DPYD: variants seen among roughly 807,000 people sequenced by gnomAD.
The protein encoded by DPYD is dihydropyrimidine dehydrogenase [NADP(+)].
In DPYD, 109 loss-of-function variants were observed where a neutral mutation model predicts 116.2. The observed-to-expected ratio is 0.94, with a 90% confidence interval of 0.80 to 1.10. The LOEUF (loss-of-function observed/expected upper bound fraction) is 1.10. Ranked by LOEUF, DPYD falls within the 50% of genes least tolerant of loss-of-function variation. DPYD has a pLI of 0.00. For missense variants in DPYD, 1,302 were observed against 1,254.5 expected, an observed-to-expected ratio of 1.04 and a Z score of -0.57; for synonymous variants, 440 against 432.0, an observed-to-expected ratio of 1.02 and a Z score of -0.23.
chr1:97,395,073 C>T (rs1163016108), intron 14 of DPYD, among the ~76,000 whole-genome samples: 1 of 151,844 alleles, frequency 6.6e-6, no homozygotes, highest in Non-Finnish European at 1.5e-5. Context: ...CTCTCCTGTG[C>T]CCTATTGCTC....
chr1:97,864,107 A>G (rs924828764), intron 2 of DPYD, among the ~76,000 whole-genome samples: 1 of 152,072 alleles, frequency 6.6e-6, no homozygotes, highest in African/African-American at 2.4e-5. Context: ...GTGATTATTT[A>G]TAAGTGTCTG....
intron 19 of DPYD, among the ~76,000 whole-genome samples, chr1:97,226,597 A>G (rs1254518474): frequency 1.3e-5 from 2 of 152,176 alleles, no homozygotes; most frequent in Non-Finnish European, 2.9e-5. Flanking sequence ...AAATTATCCA[A>G]AAAAGAAATC....
intron 16 of DPYD, among the ~76,000 whole-genome samples, chr1:97,308,733 G>C (rs1262630885): frequency 1.3e-5 from 2 of 151,774 alleles, no homozygotes; most frequent in Non-Finnish European, 2.9e-5. Context: ...TCTAGTGATA[G>C]CATGAGATGG....
Position 97,801,751 on chromosome 1 carries a change from G to T in DPYD, c.233+26363C>A, listed in dbSNP as rs192479477. Reference sequence around the variant, plus strand: ...TTCTCTCTCGTGTTTCTTTTTTCCTGTATTCTGTGAAACTGTTTTATGGTT... The same window carrying T: ...TTCTCTCTCGTGTTTCTTTTTTCCTTTATTCTGTGAAACTGTTTTATGGTT... On this transcript the variant is annotated intron_variant, in intron 3 of 22. Coordinates refer to ENST00000370192, the MANE Select transcript of DPYD (RefSeq NM_000110.4). 4.6e-5 allele frequency among the ~76,000 whole-genome samples: 7 copies of T among 151,868 alleles called. No individual in the cohort carries two copies. In the East Asian group the frequency reaches 1.4e-3, roughly 29 times the overall value.
At chr1:97,149,284 C>T (rs986954226) in intron 20 of DPYD, among the ~76,000 whole-genome samples, 5 of 152,116 alleles carry the variant, frequency 3.3e-5, no homozygotes, top group Non-Finnish European at 5.9e-5. Context: ...CAGAGTCTCG[C>T]TCTGTCACCC....
chr1:97,904,902 C>T (rs1673532112), intron 1 of DPYD, among the ~76,000 whole-genome samples: 1 of 151,926 alleles, frequency 6.6e-6, no homozygotes, highest in Non-Finnish European at 1.5e-5. Context: ...AAATCAGTTG[C>T]CATGGGTATT....
intron 20 of DPYD, among the ~76,000 whole-genome samples, chr1:97,173,685 T>C (rs551635491): frequency 6.6e-6 from 1 of 151,290 alleles, no homozygotes; most frequent in South Asian, 2.1e-4. Context: ...TTTATTTAAA[T>C]GATTAAAATC....
At chr1:97,798,652 A>C (rs1025687634) in intron 3 of DPYD, among the ~76,000 whole-genome samples, 2 of 152,020 alleles carry the variant, frequency 1.3e-5, no homozygotes, top group Non-Finnish European at 2.9e-5. Context: ...CCTACCTCAC[A>C]GGATTGTTAT....
chr1:97,355,255 TTTA>T (rs1670368680), intron 16 of DPYD, among the ~76,000 whole-genome samples: 2 of 152,136 alleles, frequency 1.3e-5, no homozygotes, highest in African/African-American at 2.4e-5. Context: ...TTTTTGAAAT[TTTA>T]TTTTTTAATA....
chr1:97,431,244 C>T (rs1265148547), intron 14 of DPYD, among the ~76,000 whole-genome samples: 3 of 151,912 alleles, frequency 2.0e-5, no homozygotes, highest in Admixed American at 2.0e-4. Context: ...ATTTAGCATA[C>T]ATTCAATAAA....
intron 11 of DPYD, among the ~76,000 whole-genome samples, chr1:97,568,219 A>G (rs1366612371): frequency 6.6e-6 from 1 of 152,094 alleles, no homozygotes; most frequent in African/African-American, 2.4e-5. Flanking sequence ...GAGCCTCCAA[A>G]GTTCCTGATG....
At chr1:97,553,471 C>T (rs1295135074) in intron 11 of DPYD, among the ~76,000 whole-genome samples, 1 of 151,956 alleles carries the variant, frequency 6.6e-6, no homozygotes, top group Non-Finnish European at 1.5e-5. Flanking sequence ...TTTTACATCT[C>T]TGCTGATAGA....
At chr1:97,797,248 T>C (rs1227861145) in intron 3 of DPYD, 1 of 152,174 alleles carries the variant, frequency 6.6e-6, no homozygotes, top group Non-Finnish European at 1.5e-5. Flanking sequence ...AATATACATA[T>C]GCTTCAATGA....
At chr1:97,307,410 A>C (rs1489233880) in intron 16 of DPYD, among the ~76,000 whole-genome samples, 1 of 151,862 alleles carries the variant, frequency 6.6e-6, no homozygotes, top group African/African-American at 2.4e-5. Context: ...TAACCTTTCG[A>C]ATTCCTTTAA....
intron 16 of DPYD, among the ~76,000 whole-genome samples, chr1:97,343,861 A>G (rs1358759600): frequency 6.6e-6 from 1 of 152,060 alleles, no homozygotes; most frequent in Admixed American, 6.6e-5. Flanking sequence ...ATGCCAAGTT[A>G]AAAAAGTCTG....
rs60425146 is a variant in DPYD, at chr1:97,257,435, G to GTATATATA, written c.2300-22449_2300-22442dup. On this transcript the variant is annotated intron_variant, in intron 18 of 22. Coordinates refer to ENST00000370192, the MANE Select transcript of DPYD (RefSeq NM_000110.4). Reference sequence around the variant, plus strand: ...CTAAAGTAAAAGTACATATACATACGTATATATATATATATATAGAGAGAG... The same window carrying GTATATATA: ...CTAAAGTAAAAGTACATATACATACGTATATATATATATATATATATATATAGAGAGAG... Among the ~76,000 whole-genome samples the GTATATATA allele has an allele frequency of 2.6e-3, 348 of 136,108 alleles. 1 individual carries two copies. Among genetic ancestry groups the GTATATATA allele is most frequent in the African/African-American group, 9.4e-3 (323 of 34,358 alleles). The allele number at this position is 136,108 out of a possible 152,430, so 89.3% of individuals were successfully genotyped here.
intron 11 of DPYD, among the ~76,000 whole-genome samples, chr1:97,566,651 T>C (rs910492268): frequency 1.3e-5 from 2 of 152,128 alleles, no homozygotes; most frequent in Admixed American, 6.6e-5. Context: ...CAGTGAAAAT[T>C]TGATGAATTA....
chr1:97,363,447 A>C (rs1356968641), intron 16 of DPYD, among the ~76,000 whole-genome samples: 1 of 152,176 alleles, frequency 6.6e-6, no homozygotes, highest in Non-Finnish European at 1.5e-5. Context: ...TGATCCCATT[A>C]CTGGGTATAT....
At chr1:97,884,364 G>A (rs1672380764) in intron 1 of DPYD, among the ~76,000 whole-genome samples, 2 of 152,174 alleles carry the variant, frequency 1.3e-5, no homozygotes, top group East Asian at 1.9e-4. Context: ...ATGATTATGT[G>A]TTGAAAAGTT....
Sources: allele counts gnomAD v4.1 joint callset (sites outside exome capture counted in the v4.1 genomes callset), GRCh38; gene constraint gnomAD v4.1.1; transcripts MANE v1.5; gene names NCBI Gene and HGNC (gene_info 2026-07-23, HGNC 2026-07-21).